HIVEP2: variants seen among roughly 807,000 people sequenced by gnomAD.
HIVEP2 encodes transcription factor HIVEP2.
In HIVEP2, 14 loss-of-function variants were observed where a neutral mutation model predicts 180.7. The observed-to-expected ratio is 0.08, with a 90% CI of 0.05 to 0.12. The LOEUF (loss-of-function observed/expected upper bound fraction) is 0.12, where lower values mean the gene tolerates loss of function less well. HIVEP2 is among the 10% of genes least tolerant of loss of function. The probability of loss-of-function intolerance (pLI) is 1.00; values close to 1 mark genes in which losing one functional copy is unlikely to be tolerated. For missense variants in HIVEP2, 2,579 were observed against 3,008.5 expected (o/e 0.86, Z 3.34); for synonymous variants, 1,184 against 1,136.4 (o/e 1.04, Z -0.84).
At chr6:142,789,879 T>A (rs1256312802) in intron 2 of HIVEP2, among the ~76,000 whole-genome samples, 2 of 152,122 alleles carry the variant, frequency 1.3e-5, no homozygotes, top group African/African-American at 4.8e-5. Flanking sequence ...CACTGAAATG[T>A]TTATCAATTT....
intron 1 of HIVEP2, among the ~76,000 whole-genome samples, chr6:142,911,256 T>C (rs749409111): frequency 3.3e-5 from 5 of 151,198 alleles, no homozygotes; most frequent in Non-Finnish European, 5.9e-5. Flanking sequence ...CAGAATACAG[T>C]TGGGATTCAG....
intron 2 of HIVEP2, among the ~76,000 whole-genome samples, chr6:142,821,013 C>A (rs1036503297): frequency 6.6e-6 from 1 of 152,056 alleles, no homozygotes; most frequent in Non-Finnish European, 1.5e-5. Flanking sequence ...GGTGTACTTG[C>A]CAATGTTGCT....
At chr6:142,926,711 C>T (rs1777819499) in intron 1 of HIVEP2, among the ~76,000 whole-genome samples, 1 of 152,212 alleles carries the variant, frequency 6.6e-6, no homozygotes, top group African/African-American at 2.4e-5. Context: ...GGCTTTTCCG[C>T]ACCGTGGAGT....
intron 3 of HIVEP2, among the ~76,000 whole-genome samples, chr6:142,776,966 GAC>G (rs1269440043): frequency 6.6e-6 from 1 of 152,134 alleles, no homozygotes; most frequent in East Asian, 1.9e-4. Flanking sequence ...AGGAAGACTT[GAC>G]AACTAAGTAA....
At chr6:142,902,539 C>G (rs957683294) in intron 1 of HIVEP2, among the ~76,000 whole-genome samples, 10 of 152,146 alleles carry the variant, frequency 6.6e-5, no homozygotes, top group Non-Finnish European at 1.2e-4. Flanking sequence ...AATAGAATAG[C>G]CTTTTTAAGA....
chr6:142,777,968 G>GA (rs1775748304), intron 3 of HIVEP2, among the ~76,000 whole-genome samples: 1 of 152,144 alleles, frequency 6.6e-6, no homozygotes, highest in Non-Finnish European at 1.5e-5. Context: ...TTTGAGAGGG[G>GA]AAAAGCACCC....
intron 1 of HIVEP2, among the ~76,000 whole-genome samples, chr6:142,842,518 T>G (rs755086306): frequency 1.3e-5 from 2 of 152,140 alleles, no homozygotes; most frequent in Non-Finnish European, 2.9e-5. Flanking sequence ...AAATAAGAAC[T>G]GAAACTGTTT....
intron 1 of HIVEP2, among the ~76,000 whole-genome samples, chr6:142,938,749 T>A (rs1582980001): frequency 1.3e-5 from 2 of 152,346 alleles, no homozygotes; most frequent in East Asian, 3.9e-4. Flanking sequence ...TGAACTCAAG[T>A]GAATCTGCCA....
intron 1 of HIVEP2, among the ~76,000 whole-genome samples, chr6:142,884,801 T>A (rs1372058023): frequency 6.6e-6 from 1 of 152,186 alleles, no homozygotes; most frequent in African/African-American, 2.4e-5. Flanking sequence ...GGAACCTTAT[T>A]CACACGTGTG....
intron 9 of HIVEP2, among the ~76,000 whole-genome samples, chr6:142,759,371 A>G (rs1479917688): frequency 6.6e-6 from 1 of 152,210 alleles, no homozygotes; most frequent in Non-Finnish European, 1.5e-5. Flanking sequence ...CAGCTGAATC[A>G]GAATCCTTAC....
At chr6:142,834,980 T>C (rs560168008) in intron 2 of HIVEP2, among the ~76,000 whole-genome samples, 1 of 151,936 alleles carries the variant, frequency 6.6e-6, no homozygotes, top group South Asian at 2.1e-4. Context: ...AAAGAAGTAT[T>C]TGATTTAATT....
intron 1 of HIVEP2, among the ~76,000 whole-genome samples, chr6:142,867,736 GA>G (rs137857174): frequency 6.6e-6 from 1 of 152,296 alleles, no homozygotes; most frequent in East Asian, 1.9e-4. Flanking sequence ...CAGTTACTTA[GA>G]AAACATGTGG....
Position 142,773,954 on chromosome 6 carries a change from G to A in HIVEP2, c.785C>T (p.Ala262Val), listed in dbSNP as rs941476195. The A allele has an allele frequency of 2.2e-5, 36 of 1,614,102 alleles. No homozygotes were observed. The highest frequency in any genetic ancestry group is 2.9e-5 in the Non-Finnish European group (34 of 1,180,024). The change falls in exon 5 of 10, where the codon GCT (alanine) becomes GTT (valine). Residue 262 changes from alanine to valine, a missense_variant. By Grantham distance (64) the Ala-to-Val change is moderately conservative. Coordinates refer to ENST00000367603, the MANE Select transcript of HIVEP2 (RefSeq NM_006734.4). ...TTCTGCTTCTACATCAATAAAACCA[G>A]CCTCTAGGTCCAATTTAGATACAGC... ...ESAVSKLDLE[A>V]GFIDVEAEIH...
At chr6:142,810,832 G>C (rs1420070380) in intron 2 of HIVEP2, among the ~76,000 whole-genome samples, 6 of 151,484 alleles carry the variant, frequency 4.0e-5, no homozygotes, top group Non-Finnish European at 8.8e-5. Context: ...AGGAGGTAAG[G>C]CTATAGGATC....
At position 142,774,104 on chromosome 6, in the gene HIVEP2, G is replaced by C; in HGVS notation, c.635C>G (p.Thr212Ser). 1.2e-6 allele frequency: 2 copies of C among 1,614,216 alleles called. No homozygotes were observed. The highest frequency in any genetic ancestry group is 1.7e-6 in the Non-Finnish European group (2 of 1,180,048). Residue 212 changes from threonine (T) to serine (S), a missense_variant, in exon 5 of 10, where the codon ACT (threonine) becomes AGT (serine). This residue lies in a region of HIVEP2 where 26 missense variants were observed against 76.9 expected (regional missense o/e 0.34). Transcript: ENST00000367603. The surrounding 1 kb of genome is among the most constrained non-coding windows in gnomAD (Gnocchi z 5.1). The stretch of plus-strand genomic sequence containing the variant: ...TATACATGGATATGGCCGCTCCCCA[G>C]TATGGGACCTGATGTGTTTTTTCAG... ...SVLKKHIRSH[T>S]GERPYPCIPC...
chr6:142,781,307 T>C lies in HIVEP2; in HGVS notation c.-433+2214A>G, dbSNP rs377097339. ...ATGAAAACAGCGAGTCGTCACTTTATTCACTGAGATTTCCTTTTATGGTAA... is the reference window on the plus strand; with the variant it reads ...ATGAAAACAGCGAGTCGTCACTTTACTCACTGAGATTTCCTTTTATGGTAA... On this transcript the variant is annotated intron_variant, in intron 3 of 9. Transcript: ENST00000367603. Among the ~76,000 whole-genome samples the C allele has an allele frequency of 3.9e-5, 6 of 152,312 alleles. No homozygotes were observed. The East Asian group carries it at 7.7e-4, about 20-fold the overall frequency.
At chr6:142,922,536 A>C (rs1281605095) in intron 1 of HIVEP2, among the ~76,000 whole-genome samples, 1 of 152,210 alleles carries the variant, frequency 6.6e-6, no homozygotes, top group African/African-American at 2.4e-5. Flanking sequence ...GGTTCTTTAC[A>C]TATATTAGTA....
chr6:142,853,534 A>G (rs565587264), intron 1 of HIVEP2, among the ~76,000 whole-genome samples: 4 of 152,380 alleles, frequency 2.6e-5, no homozygotes, highest in Non-Finnish European at 4.4e-5. Flanking sequence ...AAAAGCCTGT[A>G]TAACCTGATT....
intron 7 of HIVEP2, 85 bp downstream of exon 7, chr6:142,764,714 G>C: frequency 2.1e-6 from 2 of 934,618 alleles, no homozygotes; most frequent in African/African-American, 1.7e-5. Flanking sequence ...CTTTATTGTT[G>C]ATGAAGGTTA....
Sources: gnomAD v4.1 joint callset for allele counts (sites outside exome capture counted in the v4.1 genomes callset) on GRCh38, gnomAD v4.1.1 for gene constraint, gnomAD v4.1.1 regional missense constraint, Gnocchi (gnomAD v3.1) non-coding constraint, MANE v1.5 for transcripts, NCBI Gene and HGNC (gene_info 2026-07-23, HGNC 2026-07-21) for gene names.